The following CENPF variants were observed in gnomAD, a reference collection of about 807,000 sequenced individuals.
CENPF encodes the protein centromere protein F.
CENPF carries 214 observed loss-of-function variants against 307.3 expected under a neutral mutation model. The observed-to-expected ratio is 0.70, with a 90% CI of 0.62 to 0.78. CENPF has a LOEUF of 0.78. Ranked by LOEUF, CENPF falls within the 30% of genes least tolerant of loss-of-function variation. The probability of loss-of-function intolerance (pLI) is 0.00; values close to 1 mark genes in which losing one functional copy is unlikely to be tolerated. For synonymous variants in CENPF, 1,259 were observed against 1,270.6 expected (o/e 0.99, Z 0.19); for missense variants, 3,401 against 3,483.9 (o/e 0.98, Z 0.60).
At chr1:214,609,791 A>C (rs1229481248) in intron 1 of CENPF, among the ~76,000 whole-genome samples, 6 of 151,838 alleles carry the variant, frequency 4.0e-5, no homozygotes, top group Non-Finnish European at 7.4e-5. Context: ...CTTTGTGTTC[A>C]TTTGGTTTTC....
rs763707688 is a variant in CENPF at position 214,622,075 on chromosome 1, C to T, written c.866-4C>T. 41 of 1,610,356 alleles carry T rather than the reference C, an allele frequency of 2.5e-5. No individual in the cohort carries two copies. Among genetic ancestry groups the T allele is most frequent in the Non-Finnish European group, 3.5e-5 (41 of 1,178,536 alleles). ...TGGAGTGTGATTTTTGTTTGTGGTT[C>T]AAGAGCTAAGAAACAAGATTAATGA... On this transcript the variant is annotated splice_polypyrimidine_tract_variant and splice_region_variant and intron_variant, in intron 6 of 19. Coordinates refer to ENST00000366955, the MANE Select transcript of CENPF (RefSeq NM_016343.4).
intron 7 of CENPF, among the ~76,000 whole-genome samples, chr1:214,626,535 C>T (rs753187824): frequency 3.9e-5 from 6 of 152,152 alleles, no homozygotes; most frequent in Non-Finnish European, 5.9e-5. Context: ...CTCCTTTGAT[C>T]CATGCATTTA....
chr1:214,606,199 A>T, intron 1 of CENPF: 1 of 979,956 alleles, frequency 1.0e-6, no homozygotes, highest in Non-Finnish European at 1.5e-6. Flanking sequence ...CAGCCAAGTC[A>T]GTGGGTCAGG....
intron 11 of CENPF, 23 bp downstream of exon 11, chr1:214,638,024 A>G (rs777974849): frequency 4.4e-6 from 7 of 1,596,228 alleles, no homozygotes; most frequent in Admixed American, 1.8e-5. Context: ...AGTATTTTAG[A>G]GTTACCTTTC....
intron 1 of CENPF, among the ~76,000 whole-genome samples, chr1:214,609,175 C>A (rs1428326528): frequency 6.6e-6 from 1 of 152,114 alleles, no homozygotes; most frequent in African/African-American, 2.4e-5. Flanking sequence ...CGGCCGGCCT[C>A]CTGCATCGCC....
At chr1:214,652,431 T>C (rs948887618) in intron 15 of CENPF, among the ~76,000 whole-genome samples, 2 of 146,258 alleles carry the variant, frequency 1.4e-5, no homozygotes, top group African/African-American at 5.2e-5. Flanking sequence ...GGTTTTGTTT[T>C]TGTTTTTCTT....
chr1:214,633,621 A>T (rs1431871415), intron 10 of CENPF, among the ~76,000 whole-genome samples: 1 of 152,258 alleles, frequency 6.6e-6, no homozygotes, highest in African/African-American at 2.4e-5. Context: ...CGCTTTGCAG[A>T]GTGTATCATG....
intron 18 of CENPF, among the ~76,000 whole-genome samples, chr1:214,658,133 C>CTAT (rs1658691917): frequency 6.6e-6 from 1 of 152,040 alleles, no homozygotes; most frequent in South Asian, 2.1e-4. Context: ...TAACTCTAGC[C>CTAT]CAAAAATAGT....
chr1:214,645,131 A>G lies in CENPF; in HGVS notation c.5561A>G (p.Gln1854Arg), dbSNP rs1439570063. ...EKLEYFSCDH[Q>R]ELLQRVETSE... ...TTGGAATATTTTTCTTGTGATCACC[A>G]GGAGTTACTCCAGAGAGTAGAAACT... Residue 1854 changes from glutamine to arginine, a missense_variant, in exon 13 of 20, where the codon CAG becomes CGG. By Grantham distance (43) the Gln-to-Arg change is conservative (BLOSUM62 1). Coordinates refer to ENST00000366955, the MANE Select transcript of CENPF (RefSeq NM_016343.4). 2 of 1,613,580 alleles carry G rather than the reference A, an allele frequency of 1.2e-6. No individual in the cohort carries two copies. Among genetic ancestry groups the G allele is most frequent in the African/African-American group, 1.3e-5 (1 of 74,890 alleles).
At chr1:214,616,858 T>C (rs552560599) in intron 3 of CENPF, among the ~76,000 whole-genome samples, 4 of 31,070 alleles carry the variant, frequency 1.3e-4, no homozygotes, top group African/African-American at 4.4e-4. Context: ...TCTTTCTTTC[T>C]TTCTTTCTTT....
intron 1 of CENPF, among the ~76,000 whole-genome samples, chr1:214,603,803 C>A (rs895087038): frequency 6.0e-5 from 9 of 150,778 alleles, no homozygotes; most frequent in African/African-American, 2.2e-4. Context: ...TCTTTCCCCT[C>A]TCTTCTTCCT....
intron 6 of CENPF, among the ~76,000 whole-genome samples, chr1:214,621,639 A>G (rs1657508696): frequency 1.3e-5 from 2 of 152,198 alleles, no homozygotes. Context: ...TGTTTACTGG[A>G]GGTAAAACTA....
intron 14 of CENPF, among the ~76,000 whole-genome samples, chr1:214,650,063 G>A (rs1658420871): frequency 6.6e-6 from 1 of 152,124 alleles, no homozygotes; most frequent in Non-Finnish European, 1.5e-5. Flanking sequence ...AAGATTCTTT[G>A]CTGTGGAATA....
Position 214,651,946 on chromosome 1 carries a change from C to CTTT in CENPF, c.8160+70_8160+72dup, listed in dbSNP as rs34322009. ...AGAGTGTATTTTGATCATGGTAAGG[C>CTTT]TTTTTTTTTTTTCCAAAAAAAATCA... On this transcript the variant is annotated intron_variant, in intron 15 of 19. Transcript: ENST00000366955. 1.4e-3 allele frequency: 1,692 copies of CTTT among 1,167,296 alleles called. 1 individual carries two copies. The highest frequency in any genetic ancestry group is 4.9e-3 in the Middle Eastern group (22 of 4,498). 72.3% of individuals were successfully genotyped at this position (1,167,296 alleles called of 1,614,324 possible). A position where few individuals can be genotyped will look rare whatever the true frequency, so the allele number is the denominator to read the frequency against.
chr1:214,637,388 A>AT (rs1657991440), intron 10 of CENPF, among the ~76,000 whole-genome samples: 1 of 151,528 alleles, frequency 6.6e-6, no homozygotes, highest in Non-Finnish European at 1.5e-5. Context: ...ATTGAAGGTA[A>AT]TTTTTCCCAC....
chr1:214,617,099 T>C (rs1657381909), intron 3 of CENPF, among the ~76,000 whole-genome samples: 1 of 151,478 alleles, frequency 6.6e-6, no homozygotes, highest in Non-Finnish European at 1.5e-5. Context: ...CAGGCTGGAG[T>C]GCAGTGCTGT....
rs1327723127 is a variant in CENPF, at chr1:214,646,904, C to G, written c.7334C>G (p.Thr2445Arg). 1.2e-6 allele frequency: 2 copies of G among 1,613,956 alleles called. No homozygotes were observed. Among genetic ancestry groups the G allele is most frequent in the African/African-American group, 1.3e-5 (1 of 75,010 alleles). ...KSSTAMEMLQTQLKELNERVA... is the reference protein window; with the variant it reads ...KSSTAMEMLQRQLKELNERVA... The stretch of plus-strand genomic sequence containing the variant: ...AGCACTGCCATGGAGATGCTTCAAA[C>G]ACAATTAAAAGAGCTCAATGAGAGA... Residue 2445 changes from threonine (T) to arginine (R), a missense_variant, in exon 13 of 20, where the codon ACA (threonine) becomes AGA (arginine). Thr to Arg is a moderately conservative substitution (Grantham distance 71, BLOSUM62 -1). Transcript: ENST00000366955.
intron 1 of CENPF, among the ~76,000 whole-genome samples, chr1:214,605,212 C>A (rs1381395804): frequency 2.0e-5 from 3 of 152,088 alleles, no homozygotes; most frequent in East Asian, 1.9e-4. Context: ...GCCACTTCAC[C>A]CTTTGTACCA....
chr1:214,647,282 T>C lies in CENPF; in HGVS notation c.7712T>C (p.Val2571Ala). 6.2e-7 allele frequency: 1 copy of C among 1,614,116 alleles called. No homozygotes were observed. The highest frequency in any genetic ancestry group is 8.5e-7 in the Non-Finnish European group (1 of 1,179,980). The change falls in exon 13 of 20, where the codon GTG becomes GCG. Residue 2571 changes from valine to alanine, a missense_variant. Transcript: ENST00000366955. ...GTGGAATTGGAGCAGAAGATCCAAGTGCTACAATCCAAAAATGCCTCTTTG... is the reference window on the plus strand; with the variant it reads ...GTGGAATTGGAGCAGAAGATCCAAGCGCTACAATCCAAAAATGCCTCTTTG... ...LTVELEQKIQ[V>A]LQSKNASLQD...
Sources: allele counts gnomAD v4.1 joint callset (sites outside exome capture counted in the v4.1 genomes callset), GRCh38; gene constraint gnomAD v4.1.1; transcripts MANE v1.5; gene names NCBI Gene and HGNC (gene_info 2026-07-23, HGNC 2026-07-21).